The following PAK5 variants were observed in gnomAD, a reference collection of about 807,000 sequenced individuals.
The protein encoded by PAK5 is serine/threonine-protein kinase PAK 5.
PAK5 carries 16 observed loss-of-function variants against 65.9 expected under a neutral mutation model. That is an observed-to-expected ratio of 0.24 (90% CI 0.16 to 0.37). The LOEUF is 0.37. PAK5 is among the 10% of genes least tolerant of loss of function. The pLI, the probability that PAK5 is intolerant of heterozygous loss-of-function variation, is 1.00. For missense variants in PAK5, 785 were observed against 903.9 expected, an observed-to-expected ratio of 0.87 and a Z score of 1.69; for synonymous variants, 371 against 354.9, an observed-to-expected ratio of 1.05 and a Z score of -0.51.
intron 7 of PAK5, among the ~76,000 whole-genome samples, chr20:9,555,489 T>C (rs1303127586): frequency 6.6e-6 from 1 of 152,204 alleles, no homozygotes; most frequent in African/African-American, 2.4e-5. Context: ...GGAAAGAAAG[T>C]CTTTCTTGAA....
In PAK5 at chr20:9,581,011, T is replaced by A. The variant is rs2045971430; in HGVS notation, c.205-81A>T. ...ATGGTGGCATCCCACCCCCACTCCA[T>A]CCAAATTAAACTACAGAAGAAAAAA... On this transcript the variant is annotated intron_variant, in intron 3 of 9. Transcript: ENST00000353224. The A allele has an allele frequency of 2.9e-6, 3 of 1,044,236 alleles. No homozygotes were observed. The Admixed American group carries it at 7.0e-5, about 25-fold the overall frequency. The allele number at this position is 1,044,236 out of a possible 1,614,324, so 64.7% of individuals were successfully genotyped here.
chr20:9,758,205 G>T (rs1257520265), intron 1 of PAK5, among the ~76,000 whole-genome samples: 1 of 152,180 alleles, frequency 6.6e-6, no homozygotes, highest in African/African-American at 2.4e-5. Context: ...TAATAGTGTT[G>T]CTAAGTCATT....
intron 2 of PAK5, among the ~76,000 whole-genome samples, chr20:9,683,333 C>T (rs1346203896): frequency 6.6e-6 from 1 of 152,196 alleles, no homozygotes; most frequent in East Asian, 1.9e-4. Flanking sequence ...TACACACTAG[C>T]TCATTCATGT....
At chr20:9,712,910 A>G (rs1311070997) in intron 1 of PAK5, among the ~76,000 whole-genome samples, 1 of 152,188 alleles carries the variant, frequency 6.6e-6, no homozygotes, top group Non-Finnish European at 1.5e-5. Flanking sequence ...AAACTATGAA[A>G]CTACTAGAAG....
intron 1 of PAK5, among the ~76,000 whole-genome samples, chr20:9,712,826 T>A (rs1325024313): frequency 6.6e-6 from 1 of 152,102 alleles, no homozygotes; most frequent in Non-Finnish European, 1.5e-5. Context: ...TACAGAAGAA[T>A]GAAATTAAAC....
At chr20:9,679,218 A>T (rs989768375) in intron 2 of PAK5, among the ~76,000 whole-genome samples, 1 of 152,236 alleles carries the variant, frequency 6.6e-6, no homozygotes, top group Admixed American at 6.5e-5. Context: ...TTATTGTAAT[A>T]ATACAGTATA....
chr20:9,564,870 C>T (rs541495502), intron 5 of PAK5, among the ~76,000 whole-genome samples: 27 of 151,804 alleles, frequency 1.8e-4, no homozygotes, highest in African/African-American at 5.5e-4. Flanking sequence ...TAATAGAATA[C>T]GTTAATATAT....
At chr20:9,545,576 C>CT (rs111736829) in intron 7 of PAK5, among the ~76,000 whole-genome samples, 9 of 152,074 alleles carry the variant, frequency 5.9e-5, no homozygotes, top group African/African-American at 2.2e-4. Flanking sequence ...CTCTTCCAAC[C>CT]TTTTTTTTCT....
chr20:9,577,996 C>CCCT (rs1364050047), intron 4 of PAK5, among the ~76,000 whole-genome samples: 1 of 151,982 alleles, frequency 6.6e-6, no homozygotes, highest in Non-Finnish European at 1.5e-5. Flanking sequence ...AGTGAATCAC[C>CCCT]CCTCCCACCC....
intron 2 of PAK5, among the ~76,000 whole-genome samples, chr20:9,665,233 T>C (rs1195243018): frequency 6.6e-6 from 1 of 151,706 alleles, no homozygotes; most frequent in Non-Finnish European, 1.5e-5. Flanking sequence ...TTGTAAGGCT[T>C]GAAAGGACAA....
intron 4 of PAK5, 118 bp downstream of exon 4, chr20:9,580,027 G>T: frequency 1.1e-6 from 1 of 871,738 alleles, no homozygotes; most frequent in Non-Finnish European, 1.8e-6. Context: ...TTTTGATATT[G>T]ATTTTCCCTT....
At chr20:9,762,065 A>G (rs2123650171) in intron 1 of PAK5, among the ~76,000 whole-genome samples, 1 of 152,270 alleles carries the variant, frequency 6.6e-6, no homozygotes. Context: ...ATTCACATGT[A>G]AAATAATAAA....
chr20:9,682,145 CAGG>C (rs2047658511), intron 2 of PAK5, among the ~76,000 whole-genome samples: 1 of 152,134 alleles, frequency 6.6e-6, no homozygotes, highest in Non-Finnish European at 1.5e-5. Context: ...ATCACGAGGT[CAGG>C]AGATCGAGAC....
intron 7 of PAK5, among the ~76,000 whole-genome samples, chr20:9,548,990 C>A (rs2122914743): frequency 6.6e-6 from 1 of 152,080 alleles, no homozygotes; most frequent in Non-Finnish European, 1.5e-5. Flanking sequence ...AATTTCTTAT[C>A]AAGAATCAAC....
chr20:9,640,214 AC>A (rs1185159195), intron 3 of PAK5, among the ~76,000 whole-genome samples: 1 of 27,238 alleles, frequency 3.7e-5, no homozygotes, highest in African/African-American at 1.5e-4. Context: ...CCCTCCCCCC[AC>A]CCCACCCCAC....
chr20:9,830,066 A>G (rs1978586924), intron 1 of PAK5, among the ~76,000 whole-genome samples: 1 of 152,208 alleles, frequency 6.6e-6, no homozygotes. Flanking sequence ...AGCAAGGCTC[A>G]GAAGGAGGCA....
intron 3 of PAK5, among the ~76,000 whole-genome samples, chr20:9,611,616 A>G (rs6056751): frequency 0.56 from 85,206 of 152,118 alleles, 26,695 homozygotes; most frequent in African/African-American, 0.87. Flanking sequence ...TCTCCCGTGT[A>G]TATGCAAGCT....
chr20:9,770,503 C>T (rs114175642), intron 1 of PAK5, among the ~76,000 whole-genome samples: 3,889 of 152,152 alleles, frequency 0.026, 146 homozygotes, highest in African/African-American at 0.086. Flanking sequence ...TAAAGTGAAA[C>T]GAGCCAGCAC....
chr20:9,546,427 A>G (rs372207824), intron 7 of PAK5, among the ~76,000 whole-genome samples: 13 of 152,282 alleles, frequency 8.5e-5, no homozygotes, highest in African/African-American at 2.9e-4. Flanking sequence ...TAGGTTTATC[A>G]TGTGATGAGT....
Sources: allele counts gnomAD v4.1 joint callset (sites outside exome capture counted in the v4.1 genomes callset), GRCh38; gene constraint gnomAD v4.1.1; transcripts MANE v1.5; gene names NCBI Gene and HGNC (gene_info 2026-07-23, HGNC 2026-07-21).